The following RFX3 variants were observed in gnomAD, a reference collection of about 807,000 sequenced individuals.
RFX3 encodes regulatory factor X3.
RFX3 carries 14 observed loss-of-function variants against 98.6 expected under a neutral mutation model. The ratio of observed to expected loss-of-function variants is 0.14; its 90% CI spans 0.09 to 0.22. The LOEUF is 0.22. Among genes scored for constraint, RFX3 ranks in the 10% least tolerant of loss-of-function variants. RFX3 has a pLI of 1.00. For synonymous variants in RFX3, 383 were observed against 328.4 expected (o/e 1.17, Z -1.80); for missense variants, 639 against 926.9 (o/e 0.69, Z 4.03).
chr9:3,274,271 G>A (rs1824912577), intron 9 of RFX3, among the ~76,000 whole-genome samples: 1 of 152,156 alleles, frequency 6.6e-6, no homozygotes, highest in Non-Finnish European at 1.5e-5. Flanking sequence ...TTAATGCTAT[G>A]AGCTAAGAAC....
chr9:3,442,154 C>T (rs1261770392), intron 1 of RFX3, among the ~76,000 whole-genome samples: 2 of 151,998 alleles, frequency 1.3e-5, no homozygotes, highest in Non-Finnish European at 2.9e-5. Flanking sequence ...GAGCTGAGAT[C>T]ACACCATTGC....
chr9:3,360,580 T>C (rs1456542110), intron 2 of RFX3, among the ~76,000 whole-genome samples: 1 of 152,106 alleles, frequency 6.6e-6, no homozygotes, highest in Non-Finnish European at 1.5e-5. Flanking sequence ...AAACACTAGA[T>C]GAATTAAAAA....
intron 2 of RFX3, among the ~76,000 whole-genome samples, chr9:3,368,451 T>G (rs1482694856): frequency 9.8e-5 from 15 of 152,290 alleles, no homozygotes; most frequent in Non-Finnish European, 1.8e-4. Context: ...ATGGTTTCAA[T>G]TTCAAGAGGA....
chr9:3,264,725 G>GT (rs902297157), intron 12 of RFX3, among the ~76,000 whole-genome samples: 2 of 152,206 alleles, frequency 1.3e-5, no homozygotes, highest in African/African-American at 4.8e-5. Flanking sequence ...TTGGAATGCT[G>GT]TTTCCTCTGT....
At chr9:3,504,796 T>C (rs1182762811) in intron 1 of RFX3, among the ~76,000 whole-genome samples, 1 of 101,480 alleles carries the variant, frequency 9.9e-6, no homozygotes, top group Non-Finnish European at 1.7e-5. Flanking sequence ...AAATATATAT[T>C]ATATTATATA....
chr9:3,342,627 A>G (rs938666700), intron 3 of RFX3, among the ~76,000 whole-genome samples: 5 of 152,080 alleles, frequency 3.3e-5, no homozygotes, highest in Non-Finnish European at 7.4e-5. Flanking sequence ...TGGGGGAAGT[A>G]TGAGTCAAAA....
intron 7 of RFX3, among the ~76,000 whole-genome samples, chr9:3,282,323 A>C (rs3012686): frequency 0.24 from 36,492 of 151,642 alleles, 6,739 homozygotes; most frequent in African/African-American, 0.52. Flanking sequence ...AACATCAACC[A>C]TGCTGGTTAA....
intron 2 of RFX3, among the ~76,000 whole-genome samples, chr9:3,367,151 G>A (rs922677205): frequency 3.9e-5 from 6 of 152,122 alleles, no homozygotes; most frequent in South Asian, 2.1e-4. Context: ...TACAGCTGAC[G>A]TTAAAATTGA....
intron 3 of RFX3, among the ~76,000 whole-genome samples, chr9:3,346,146 G>C (rs1405605831): frequency 4.6e-5 from 7 of 152,124 alleles, no homozygotes; most frequent in Non-Finnish European, 1.0e-4. Flanking sequence ...TATTATTGTT[G>C]ATGCAAAAGA....
intron 1 of RFX3, among the ~76,000 whole-genome samples, chr9:3,413,296 A>G (rs1353481508): frequency 6.6e-6 from 1 of 152,126 alleles, no homozygotes; most frequent in Non-Finnish European, 1.5e-5. Context: ...AATTTACTTG[A>G]TAAATTGTTT....
chr9:3,441,537 C>T (rs1845611123), intron 1 of RFX3, among the ~76,000 whole-genome samples: 1 of 152,046 alleles, frequency 6.6e-6, no homozygotes, highest in Non-Finnish European at 1.5e-5. Context: ...ACTCGGGCAT[C>T]TTGTAGTATC....
At chr9:3,486,128 C>CAAAAAAAAAAAAA (rs772747349) in intron 1 of RFX3, among the ~76,000 whole-genome samples, 3 of 49,166 alleles carry the variant, frequency 6.1e-5, no homozygotes, top group East Asian at 6.5e-4. Flanking sequence ...TGTCTCAAAC[C>CAAAAAAAAAAAAA]AAAAAAAAAA....
chr9:3,481,536 T>G (rs1338793598), intron 1 of RFX3, among the ~76,000 whole-genome samples: 2 of 151,734 alleles, frequency 1.3e-5, no homozygotes, highest in Non-Finnish European at 2.9e-5. Context: ...TTTTGAATTA[T>G]AATGATCATG....
intron 1 of RFX3, among the ~76,000 whole-genome samples, chr9:3,408,635 C>T (rs537070647): frequency 1.1e-4 from 17 of 151,842 alleles, no homozygotes; most frequent in African/African-American, 2.7e-4. Flanking sequence ...CACACACACA[C>T]GCACGCACAC....
intron 1 of RFX3, among the ~76,000 whole-genome samples, chr9:3,518,486 C>T (rs888984099): frequency 6.6e-6 from 1 of 152,006 alleles, no homozygotes; most frequent in African/African-American, 2.4e-5. Context: ...AACATCTGTA[C>T]AATATACAAT....
intron 14 of RFX3, among the ~76,000 whole-genome samples, chr9:3,252,206 T>C (rs891055814): frequency 6.6e-6 from 1 of 152,238 alleles, no homozygotes; most frequent in Non-Finnish European, 1.5e-5. Flanking sequence ...TTCAACTTTT[T>C]CCAATAAAAT....
chr9:3,361,561 G>A (rs1362929724), intron 2 of RFX3, among the ~76,000 whole-genome samples: 1 of 150,646 alleles, frequency 6.6e-6, no homozygotes, highest in Non-Finnish European at 1.5e-5. Context: ...GGAGGCTACG[G>A]TATTCATTCC....
intron 14 of RFX3, among the ~76,000 whole-genome samples, chr9:3,251,195 G>A (rs548649290): frequency 5.3e-5 from 8 of 152,086 alleles, no homozygotes; most frequent in Non-Finnish European, 7.4e-5. Context: ...AGATATAATT[G>A]CAAATAAAAA....
intron 3 of RFX3, among the ~76,000 whole-genome samples, chr9:3,339,577 C>T (rs7865543): frequency 6.6e-6 from 1 of 152,142 alleles, no homozygotes; most frequent in Middle Eastern, 3.2e-3. Flanking sequence ...TCATTCAATG[C>T]TAATCTTTAA....
Sources: allele counts gnomAD v4.1 joint callset (sites outside exome capture counted in the v4.1 genomes callset), GRCh38; gene constraint gnomAD v4.1.1; transcripts MANE v1.5; gene names NCBI Gene and HGNC (gene_info 2026-07-23, HGNC 2026-07-21).